ZMYM2: variants seen among roughly 807,000 people sequenced by gnomAD.
ZMYM2 encodes zinc finger MYM-type containing 2, also known as zinc finger MYM-type protein 2.
ZMYM2 carries 56 observed loss-of-function variants against 162.8 expected under a neutral mutation model. The observed-to-expected ratio is 0.34, with a 90% CI of 0.28 to 0.43. ZMYM2 has a LOEUF of 0.43. Ranked by LOEUF, ZMYM2 falls within the 20% of genes least tolerant of loss-of-function variation. ZMYM2 has a pLI of 1.00. For synonymous variants in ZMYM2, 510 were observed against 541.6 expected (o/e 0.94, Z 0.81); for missense variants, 1,275 against 1,621.8 (o/e 0.79, Z 3.67).
rs1950508315 is a variant in ZMYM2 at position 20,003,135 on chromosome 13, A to G, written c.1133A>G (p.Lys378Arg). Reference sequence around the variant, plus strand: ...AAGAAACTCTGTGTTATGTGTAAAAAGTAAGGTTTACCTTTCAACATAATT... The same window carrying G: ...AAGAAACTCTGTGTTATGTGTAAAAGGTAAGGTTTACCTTTCAACATAATT... ...APKKLCVMCK[K>R]DITTMKGTIV... Residue 378 changes from lysine to arginine, a missense_variant and splice_region_variant, in exon 4 of 25, where the codon AAA becomes AGA. By Grantham distance (26) the Lys-to-Arg change is conservative. Coordinates refer to ENST00000610343, the MANE Select transcript of ZMYM2 (RefSeq NM_197968.4). 1 of 1,612,414 alleles carries G rather than the reference A, an allele frequency of 6.2e-7. No individual in the cohort carries two copies. The highest frequency in any genetic ancestry group is 8.5e-7 in the Non-Finnish European group (1 of 1,179,068).
chr13:19,955,880 T>C (rs1954500626), upstream of ZMYM2, among the ~76,000 whole-genome samples: 1 of 152,210 alleles, frequency 6.6e-6, no homozygotes, highest in Non-Finnish European at 1.5e-5. Flanking sequence ...ATATTTGAAA[T>C]ACAAGTCTTT....
intron 2 of ZMYM2, among the ~76,000 whole-genome samples, chr13:19,969,204 G>A (rs947618684): frequency 2.6e-5 from 4 of 152,096 alleles, no homozygotes; most frequent in Non-Finnish European, 5.9e-5. Context: ...CGTATTCATC[G>A]CAGTCTGACA....
the ZMYM2 span, among the ~76,000 whole-genome samples, chr13:19,936,830 T>C: frequency 6.6e-6 from 1 of 152,114 alleles, no homozygotes; most frequent in Non-Finnish European, 1.5e-5. Context: ...AACTACTAAT[T>C]TCTACAATTT....
Position 20,088,142 on chromosome 13 carries a change from G to C in ZMYM2, c.*2128G>C, listed in dbSNP as rs1958374828. ...GAAATGTCTACATAATTTTGATCTT[G>C]ACATGATTGAGGATTTAGAGCTCTT... On this transcript the variant is annotated 3_prime_UTR_variant, in exon 25 of 25. Coordinates refer to ENST00000610343, the MANE Select transcript of ZMYM2 (RefSeq NM_197968.4). The C allele has an allele frequency of 9.8e-6, 2 of 203,464 alleles. No individual in the cohort carries two copies. Among genetic ancestry groups the C allele is most frequent in the Non-Finnish European group, 2.0e-5 (2 of 99,214 alleles). The allele number at this position is 203,464 out of a possible 1,614,324, so 12.6% of individuals were successfully genotyped here. A position where few individuals can be genotyped will look rare whatever the true frequency, so the allele number is the denominator to read the frequency against.
the ZMYM2 span, among the ~76,000 whole-genome samples, chr13:19,875,280 C>T: frequency 6.6e-6 from 1 of 150,770 alleles, no homozygotes; most frequent in South Asian, 2.1e-4. Flanking sequence ...CAGCACATTA[C>T]TGAAAAAAAA....
At chr13:20,060,201 A>T (rs1252074739) in intron 16 of ZMYM2, among the ~76,000 whole-genome samples, 3 of 152,158 alleles carry the variant, frequency 2.0e-5, no homozygotes, top group Non-Finnish European at 4.4e-5. Flanking sequence ...TTACTAGTTT[A>T]ATGAAGCTAA....
the ZMYM2 span, among the ~76,000 whole-genome samples, chr13:19,870,207 G>A: frequency 6.6e-6 from 1 of 152,200 alleles, no homozygotes; most frequent in Non-Finnish European, 1.5e-5. Context: ...CCAGGCTGGA[G>A]TGCAGCAGTG....
At chr13:19,958,875 G>A (rs1292294631) in intron 1 of ZMYM2, 34 bp downstream of exon 1, 4 of 152,670 alleles carry the variant, frequency 2.6e-5, no homozygotes, top group African/African-American at 9.7e-5. Context: ...TCCAGTCCAG[G>A]GCCGCCGAGA....
At chr13:19,880,898 G>GT in the ZMYM2 span, among the ~76,000 whole-genome samples, 1,896 of 117,374 alleles carry the variant, frequency 0.016, 15 homozygotes, top group Non-Finnish European at 0.021. Flanking sequence ...TTTGTTTTTT[G>GT]TTTTTTTTTT....
chr13:20,010,271 C>T (rs1951066818), intron 6 of ZMYM2, among the ~76,000 whole-genome samples: 1 of 152,186 alleles, frequency 6.6e-6, no homozygotes, highest in Non-Finnish European at 1.5e-5. Flanking sequence ...TCTTGGCTCA[C>T]TGCAACCTCT....
At chr13:20,013,689 C>T (rs1951381208) in intron 6 of ZMYM2, among the ~76,000 whole-genome samples, 1 of 152,110 alleles carries the variant, frequency 6.6e-6, no homozygotes, top group Non-Finnish European at 1.5e-5. Flanking sequence ...TTGAGATGAT[C>T]ATGTGGTCTT....
chr13:19,923,279 C>T, the ZMYM2 span, among the ~76,000 whole-genome samples: 3 of 137,080 alleles, frequency 2.2e-5, no homozygotes, highest in African/African-American at 5.4e-5. Flanking sequence ...ATCCCTTGAA[C>T]CCAGGAGGTG....
intron 12 of ZMYM2, among the ~76,000 whole-genome samples, chr13:20,039,806 T>G (rs1954073006): frequency 6.6e-6 from 1 of 152,200 alleles, no homozygotes; most frequent in Non-Finnish European, 1.5e-5. Context: ...GGATGTTGAA[T>G]TTTATTGAAA....
At chr13:19,985,550 T>C (rs1283510681) in intron 2 of ZMYM2, among the ~76,000 whole-genome samples, 4 of 151,808 alleles carry the variant, frequency 2.6e-5, no homozygotes, top group Non-Finnish European at 2.9e-5. Flanking sequence ...TTAAAAACAA[T>C]AAGAGCTGTG....
At chr13:19,977,035 G>A (rs1956857694) in intron 2 of ZMYM2, among the ~76,000 whole-genome samples, 1 of 152,030 alleles carries the variant, frequency 6.6e-6, no homozygotes, top group South Asian at 2.1e-4. Context: ...AATGTCCTTT[G>A]TCTCTTATAA....
the ZMYM2 span, among the ~76,000 whole-genome samples, chr13:19,907,826 A>T: frequency 1.3e-5 from 2 of 151,854 alleles, no homozygotes; most frequent in Non-Finnish European, 2.9e-5. Flanking sequence ...AAGAGAACGA[A>T]AAAAAGGTAA....
intron 1 of ZMYM2, among the ~76,000 whole-genome samples, chr13:19,959,181 C>G (rs1391281715): frequency 1.5e-5 from 2 of 133,190 alleles, no homozygotes; most frequent in African/African-American, 2.7e-5. Context: ...GGCGGGGCGG[C>G]GGGACGGCGG....
At chr13:20,028,745 G>C (rs1444216365) in intron 9 of ZMYM2, among the ~76,000 whole-genome samples, 1 of 151,204 alleles carries the variant, frequency 6.6e-6, no homozygotes, top group East Asian at 1.9e-4. Context: ...TTGTTATACT[G>C]TATTGTTTAG....
At chr13:20,068,564 A>T (rs1411463087) in intron 21 of ZMYM2, among the ~76,000 whole-genome samples, 1 of 151,786 alleles carries the variant, frequency 6.6e-6, no homozygotes, top group Non-Finnish European at 1.5e-5. Flanking sequence ...AAAACATGTG[A>T]CTCCAGTGGT....
Sources: gnomAD v4.1 joint callset for allele counts (sites outside exome capture counted in the v4.1 genomes callset) on GRCh38, gnomAD v4.1.1 for gene constraint, MANE v1.5 for transcripts, NCBI Gene and HGNC (gene_info 2026-07-23, HGNC 2026-07-21) for gene names.